The following SWT1 variants were observed in gnomAD, a reference collection of about 807,000 sequenced individuals.
SWT1 encodes the protein transcriptional protein SWT1.
In SWT1, 33 loss-of-function variants were observed where a neutral mutation model predicts 107.3. That is an observed-to-expected ratio of 0.31 (90% CI 0.23 to 0.41). The LOEUF (loss-of-function observed/expected upper bound fraction) is 0.41, where lower values mean the gene tolerates loss of function less well. SWT1 is among the 10% of genes least tolerant of loss of function. SWT1 has a pLI of 1.00. For missense variants in SWT1, 898 were observed against 1,028.9 expected (o/e 0.87, Z 1.74); for synonymous variants, 345 against 348.3 (o/e 0.99, Z 0.11).
intron 7 of SWT1, 132 bp downstream of exon 7, chr1:185,182,189 G>C (rs187846926): frequency 3.1e-5 from 28 of 903,666 alleles, no homozygotes; most frequent in Non-Finnish European, 4.1e-5. Context: ...TAAAGTAATA[G>C]TTTATTTTTT....
At chr1:185,242,462 T>C (rs1261956635) in intron 16 of SWT1, among the ~76,000 whole-genome samples, 1 of 152,122 alleles carries the variant, frequency 6.6e-6, no homozygotes, top group African/African-American at 2.4e-5. Flanking sequence ...CATTCAAGAA[T>C]TGGAAATAAA....
chr1:185,242,461 A>G (rs1448434921), intron 16 of SWT1, among the ~76,000 whole-genome samples: 1 of 152,140 alleles, frequency 6.6e-6, no homozygotes, highest in Non-Finnish European at 1.5e-5. Context: ...TCATTCAAGA[A>G]TTGGAAATAA....
At chr1:185,262,156 A>G (rs545433943) in intron 16 of SWT1, 1 of 152,210 alleles carries the variant, frequency 6.6e-6, no homozygotes, top group Non-Finnish European at 1.5e-5. Flanking sequence ...GAACATTCAT[A>G]AAGTATTTGG....
intron 17 of SWT1, 106 bp downstream of exon 17, chr1:185,271,495 G>T: frequency 4.9e-6 from 3 of 616,796 alleles, no homozygotes; most frequent in South Asian, 2.0e-5. Context: ...CTATTTAATT[G>T]ATATTTGCTT....
Position 185,206,645 on chromosome 1 carries a change from A to G in SWT1, c.1854A>G (p.Pro618=), listed in dbSNP as rs746598308. ...TTTAGATCCTGTACCTGAAACCACC[A>G]TGGACTCTACTACATTTACTACAGT... ...LWMEILYLKP[P]WTLLHLLQCF... Residue 618 remains proline, a synonymous_variant, in exon 13 of 19, where the codon CCA becomes CCG. Coordinates refer to ENST00000367500, the MANE Select transcript of SWT1 (RefSeq NM_017673.7). 3.2e-6 allele frequency: 5 copies of G among 1,586,710 alleles called. No individual in the cohort carries two copies. The highest frequency in any genetic ancestry group is 2.3e-5 in the South Asian group (2 of 85,904).
chr1:185,256,150 G>A (rs1178601969), intron 16 of SWT1, among the ~76,000 whole-genome samples: 18 of 151,500 alleles, frequency 1.2e-4, no homozygotes, highest in African/African-American at 3.4e-4. Flanking sequence ...CGAGAGATCC[G>A]CTGTTAGTCT....
At chr1:185,193,568 G>A (rs1235757717) in intron 10 of SWT1, among the ~76,000 whole-genome samples, 1 of 151,714 alleles carries the variant, frequency 6.6e-6, no homozygotes, top group Non-Finnish European at 1.5e-5. Context: ...CCGGATTCAA[G>A]CAATTCTCCT....
At chr1:185,185,148 A>C (rs767433854) in intron 9 of SWT1, among the ~76,000 whole-genome samples, 8 of 152,220 alleles carry the variant, frequency 5.3e-5, no homozygotes, top group Admixed American at 2.0e-4. Context: ...TATTTCACAG[A>C]TAGTGACTGT....
chr1:185,250,285 A>G (rs997481556), intron 16 of SWT1, among the ~76,000 whole-genome samples: 4 of 152,096 alleles, frequency 2.6e-5, no homozygotes, highest in African/African-American at 9.7e-5. Flanking sequence ...GTGAGAGGCA[A>G]CCATTCTTAA....
chr1:185,290,701 G>A lies in SWT1; in HGVS notation c.2601G>A (p.Gln867=). ...AAAAGTTAACCATTGGATGCCGCCAGCTGGTTGAGATGGAATATACCATGC... is the reference window on the plus strand; with the variant it reads ...AAAAGTTAACCATTGGATGCCGCCAACTGGTTGAGATGGAATATACCATGC... ...YREKLTIGCR[Q]LVEMEYTMQQ... Residue 867 remains glutamine, a synonymous_variant, in exon 19 of 19, where the codon CAG becomes CAA. Coordinates refer to ENST00000367500, the MANE Select transcript of SWT1 (RefSeq NM_017673.7). 1 of 1,583,132 alleles carries A rather than the reference G, an allele frequency of 6.3e-7. No homozygotes were observed. Among genetic ancestry groups the A allele is most frequent in the South Asian group, 1.2e-5 (1 of 85,782 alleles).
chr1:185,249,940 A>G (rs142189431), intron 16 of SWT1, among the ~76,000 whole-genome samples: 153 of 152,118 alleles, frequency 1.0e-3, no homozygotes, highest in Non-Finnish European at 1.5e-3. Context: ...TTTTTGTATT[A>G]CTTCTCTCTT....
intron 9 of SWT1, among the ~76,000 whole-genome samples, chr1:185,186,150 T>C (rs77052470): frequency 4.1e-4 from 63 of 152,276 alleles, no homozygotes; most frequent in African/African-American, 1.5e-3. Context: ...ATTAAACTAA[T>C]AGCTTATGGT....
At chr1:185,165,411 C>A (rs1183187831) in intron 2 of SWT1, among the ~76,000 whole-genome samples, 2 of 152,102 alleles carry the variant, frequency 1.3e-5, no homozygotes, top group Non-Finnish European at 2.9e-5. Context: ...CTATGAAGTA[C>A]AATAAAGCAA....
At chr1:185,200,584 A>G (rs1310229567) in intron 10 of SWT1, among the ~76,000 whole-genome samples, 1 of 152,220 alleles carries the variant, frequency 6.6e-6, no homozygotes, top group Non-Finnish European at 1.5e-5. Flanking sequence ...CAGAGGCTGC[A>G]GAACAGCAAA....
At chr1:185,166,821 G>A (rs1654612560) in intron 3 of SWT1, among the ~76,000 whole-genome samples, 169 bp downstream of exon 3, 1 of 152,086 alleles carries the variant, frequency 6.6e-6, no homozygotes, top group African/African-American at 2.4e-5. Flanking sequence ...TTCTTGTACT[G>A]TTAGGCCCTA....
At chr1:185,166,723 A>C in intron 3 of SWT1, 71 bp downstream of exon 3, 4 of 980,434 alleles carry the variant, frequency 4.1e-6, no homozygotes, top group Non-Finnish European at 6.2e-6. Context: ...TTGTGATATA[A>C]ATTCCTCCTA....
intron 14 of SWT1, 21 bp from the exon 15 acceptor site, chr1:185,221,828 A>G (rs1659679195): frequency 1.3e-6 from 2 of 1,505,358 alleles, no homozygotes; most frequent in Non-Finnish European, 1.8e-6. Context: ...GCTGCATTTT[A>G]TGTAATTCTT....
intron 5 of SWT1, chr1:185,176,572 A>G (rs1409193378): frequency 1.0e-6 from 1 of 981,516 alleles, no homozygotes; most frequent in Non-Finnish European, 1.2e-6. Context: ...AAAGTTACTT[A>G]TCTTCAAGAG....
chr1:185,189,588 G>A (rs571860441), intron 9 of SWT1, among the ~76,000 whole-genome samples: 11 of 152,092 alleles, frequency 7.2e-5, no homozygotes, highest in South Asian at 6.2e-4. Context: ...ATTAGGATTC[G>A]TGGTTTTTGG....
Sources: allele counts gnomAD v4.1 joint callset (sites outside exome capture counted in the v4.1 genomes callset), GRCh38; gene constraint gnomAD v4.1.1; transcripts MANE v1.5; gene names NCBI Gene and HGNC (gene_info 2026-07-23, HGNC 2026-07-21).